Variants in TBC1D22A observed in about 807,000 individuals in gnomAD.
TBC1D22A encodes TBC1 domain family member 22A.
In TBC1D22A, 38 loss-of-function variants were observed where a neutral mutation model predicts 60.2. That is an observed-to-expected ratio of 0.63 (90% CI 0.49 to 0.83). TBC1D22A has a LOEUF of 0.83. TBC1D22A is among the 40% of genes least tolerant of loss of function. The pLI is 0.00. For synonymous variants in TBC1D22A, 302 were observed against 281.7 expected (o/e 1.07, Z -0.72); for missense variants, 628 against 701.0 (o/e 0.90, Z 1.18).
chr22:47,158,455 C>T (rs1375520841), intron 12 of TBC1D22A, among the ~76,000 whole-genome samples: 1 of 152,146 alleles, frequency 6.6e-6, no homozygotes, highest in East Asian at 1.9e-4. Flanking sequence ...GGCAGCAGTC[C>T]TGGGTAGGGG....
chr22:46,920,775 T>A (rs933796436), intron 8 of TBC1D22A, among the ~76,000 whole-genome samples: 1 of 89,542 alleles, frequency 1.1e-5, no homozygotes, highest in Non-Finnish European at 2.1e-5. Flanking sequence ...TTATGTTATT[T>A]ATTCATTTTT....
intron 11 of TBC1D22A, among the ~76,000 whole-genome samples, chr22:47,071,921 G>A (rs1481604657): frequency 6.6e-6 from 1 of 152,176 alleles, no homozygotes; most frequent in South Asian, 2.1e-4. Context: ...CTCAGTCATG[G>A]CCTCTCCTGA....
Position 47,111,535 on chromosome 22 carries a change from C to T in TBC1D22A, c.1357C>T (p.His453Tyr). ...QSEPDGFSHFHLYVCAAFLVR... is the reference protein window; with the variant it reads ...QSEPDGFSHFYLYVCAAFLVR... ...TGAACCGGACGGCTTTTCTCATTTCCACTTGTACGTGTGCGCTGCTTTTCT... is the reference window on the plus strand; with the variant it reads ...TGAACCGGACGGCTTTTCTCATTTCTACTTGTACGTGTGCGCTGCTTTTCT... The change falls in exon 12 of 13, where the codon CAC becomes TAC. Residue 453 changes from histidine (H) to tyrosine (Y), a missense_variant. Coordinates refer to ENST00000337137, the MANE Select transcript of TBC1D22A (RefSeq NM_014346.5). 6.2e-7 allele frequency: 1 copy of T among 1,614,016 alleles called. No individual in the cohort carries two copies. The highest frequency in any genetic ancestry group is 1.1e-5 in the South Asian group (1 of 90,992).
At chr22:46,802,508 G>C (rs2084940634) in intron 4 of TBC1D22A, among the ~76,000 whole-genome samples, 1 of 152,226 alleles carries the variant, frequency 6.6e-6, no homozygotes, top group Non-Finnish European at 1.5e-5. Context: ...GGTTTCTGAG[G>C]CTCTGGCCTG....
Position 46,777,197 on chromosome 22 carries a change from G to T in TBC1D22A, c.62+14349G>T, listed in dbSNP as rs1338489715. Among the ~76,000 whole-genome samples, 1 of 152,136 alleles carries T rather than the reference G, an allele frequency of 6.6e-6. No individual in the cohort carries two copies. Among genetic ancestry groups the T allele is most frequent in the Non-Finnish European group, 1.5e-5 (1 of 68,024 alleles). On this transcript the variant is annotated intron_variant, in intron 1 of 12. Transcript: ENST00000337137. The surrounding 1 kb of genome is among the most constrained non-coding windows in gnomAD (Gnocchi z 4.5). The stretch of plus-strand genomic sequence containing the variant: ...GTCACAGGAGATACATGGTCAGAAT[G>T]AGAGAAAATGGAGCCCCGATTTAAG...
intron 5 of TBC1D22A, among the ~76,000 whole-genome samples, chr22:46,887,833 AAAG>A (rs1359740488): frequency 6.6e-6 from 1 of 152,236 alleles, no homozygotes; most frequent in African/African-American, 2.4e-5. Context: ...CATTTATTAA[AAAG>A]AAGTTTCAGT....
intron 9 of TBC1D22A, among the ~76,000 whole-genome samples, chr22:46,995,757 C>T (rs184849589): frequency 2.4e-3 from 362 of 152,232 alleles, no homozygotes; most frequent in Non-Finnish European, 4.2e-3. Context: ...CCTCCACCTG[C>T]GGATTCTGTG....
In TBC1D22A at chr22:46,797,549, C is replaced by T. The variant is rs761726540; in HGVS notation, c.566C>T (p.Ala189Val). Reference protein sequence around the residue: ...TSDPSTLSSSALSEREASRLD... With the variant: ...TSDPSTLSSSVLSEREASRLD... ...GACCCCAGCACTCTCAGCAGCTCAG[C>T]GCTGAGCGAAAGAGAGGCCTCCCGG... Residue 189 changes from alanine to valine, a missense_variant, in exon 4 of 13, where the codon GCG (alanine) becomes GTG (valine). Transcript: ENST00000337137. The T allele has an allele frequency of 2.1e-5, 34 of 1,613,802 alleles. No homozygotes were observed. Among genetic ancestry groups the T allele is most frequent in the East Asian group, 2.0e-4 (9 of 44,884 alleles).
At position 46,777,050 on chromosome 22, in the gene TBC1D22A, G is replaced by A. The variant is rs1481187030; in HGVS notation, c.62+14202G>A. Among the ~76,000 whole-genome samples, 1 of 152,130 alleles carries A rather than the reference G, an allele frequency of 6.6e-6. No individual in the cohort carries two copies. Among genetic ancestry groups the A allele is most frequent in the Non-Finnish European group, 1.5e-5 (1 of 68,020 alleles). ...TCAGGGCCAGGGCTGATGGACAGGA[G>A]AAGAGAGATGTGTGGGAGGTTTCCA... On this transcript the variant is annotated intron_variant, in intron 1 of 12. Coordinates refer to ENST00000337137, the MANE Select transcript of TBC1D22A (RefSeq NM_014346.5). This position sits in a 1 kb window ranked among gnomAD's most constrained non-coding sequence, Gnocchi z 4.5.
intron 1 of TBC1D22A, among the ~76,000 whole-genome samples, chr22:46,778,117 G>A (rs577955798): frequency 5.5e-4 from 84 of 151,846 alleles, no homozygotes; most frequent in African/African-American, 2.0e-3. Context: ...CAGCTGGTGC[G>A]ATTGGCGCTC....
intron 8 of TBC1D22A, among the ~76,000 whole-genome samples, chr22:46,926,115 A>G (rs2071034426): frequency 6.6e-6 from 1 of 152,246 alleles, no homozygotes; most frequent in Non-Finnish European, 1.5e-5. Flanking sequence ...TTGCTGTGAG[A>G]TGAAGAAAAT....
intron 5 of TBC1D22A, among the ~76,000 whole-genome samples, chr22:46,882,619 C>T (rs963923691): frequency 2.0e-5 from 3 of 152,130 alleles, no homozygotes; most frequent in African/African-American, 4.8e-5. Flanking sequence ...GAGTGAGACT[C>T]GCTGAGAGCC....
At chr22:47,041,162 C>A (rs5767438) in intron 11 of TBC1D22A, among the ~76,000 whole-genome samples, 43,342 of 152,070 alleles carry the variant, frequency 0.29, 6,729 homozygotes, top group East Asian at 0.6. Flanking sequence ...TGGCTTAAGG[C>A]CTTTATTAAA....
At chr22:47,076,361 G>GTATATATATATATGTGTGTGTA (rs1556104297) in intron 11 of TBC1D22A, among the ~76,000 whole-genome samples, 1 of 101,910 alleles carries the variant, frequency 9.8e-6, no homozygotes, top group African/African-American at 3.6e-5. Flanking sequence ...ATATGTGTGT[G>GTATATATATATATGTGTGTGTA]TATATATATA....
At chr22:47,060,461 C>T (rs1332434841) in intron 11 of TBC1D22A, among the ~76,000 whole-genome samples, 6 of 149,826 alleles carry the variant, frequency 4.0e-5, no homozygotes, top group South Asian at 2.1e-4. Flanking sequence ...GATGGAGTCT[C>T]GCTCTGTAGC....
At chr22:47,075,410 AG>A (rs1265158675) in intron 11 of TBC1D22A, among the ~76,000 whole-genome samples, 2 of 151,974 alleles carry the variant, frequency 1.3e-5, no homozygotes, top group Non-Finnish European at 2.9e-5. Context: ...CAGCCAGGTG[AG>A]GGGGCCCATG....
chr22:47,033,779 G>T (rs1019580702), intron 10 of TBC1D22A, among the ~76,000 whole-genome samples: 1 of 152,190 alleles, frequency 6.6e-6, no homozygotes, highest in Non-Finnish European at 1.5e-5. Flanking sequence ...AGCCTGCGTG[G>T]TAGCATGGGT....
intron 8 of TBC1D22A, among the ~76,000 whole-genome samples, chr22:46,947,296 G>A (rs1238940712): frequency 2.0e-5 from 3 of 152,302 alleles, no homozygotes; most frequent in South Asian, 4.2e-4. Flanking sequence ...GGACCCAGAT[G>A]TGTGAAGTCG....
chr22:47,170,420 G>C (rs2068386453), intron 12 of TBC1D22A, among the ~76,000 whole-genome samples: 1 of 152,238 alleles, frequency 6.6e-6, no homozygotes, highest in Non-Finnish European at 1.5e-5. Flanking sequence ...ATCCATGTAA[G>C]TTGCATCTAA....
Sources: allele counts gnomAD v4.1 joint callset (sites outside exome capture counted in the v4.1 genomes callset), GRCh38; gene constraint gnomAD v4.1.1; non-coding constraint Gnocchi (gnomAD v3.1); transcripts MANE v1.5; gene names NCBI Gene and HGNC (gene_info 2026-07-23, HGNC 2026-07-21).